CACNA2D3: variants seen among roughly 807,000 people sequenced by gnomAD.
CACNA2D3 encodes the protein calcium voltage-gated channel auxiliary subunit alpha2delta 3, also known as voltage-dependent calcium channel subunit alpha-2/delta-3.
CACNA2D3 carries 60 observed loss-of-function variants against 160.6 expected under a neutral mutation model. The observed-to-expected ratio is 0.37, with a 90% CI of 0.30 to 0.46. The LOEUF (loss-of-function observed/expected upper bound fraction) is 0.46, where lower values mean the gene tolerates loss of function less well. Among genes scored for constraint, CACNA2D3 ranks in the 20% least tolerant of loss-of-function variants. CACNA2D3 has a pLI of 1.00. For missense variants in CACNA2D3, 1,205 were observed against 1,365.0 expected, an observed-to-expected ratio of 0.88 and a Z score of 1.85; for synonymous variants, 558 against 492.9, an observed-to-expected ratio of 1.13 and a Z score of -1.75.
chr3:54,412,231 A>G (rs1218150454), intron 4 of CACNA2D3, among the ~76,000 whole-genome samples: 6 of 151,986 alleles, frequency 3.9e-5, no homozygotes, highest in Admixed American at 3.9e-4. Flanking sequence ...TGGTGCTTTC[A>G]CTGCATTCTC....
At chr3:54,232,415 T>C (rs1295359282) in intron 2 of CACNA2D3, among the ~76,000 whole-genome samples, 2 of 152,194 alleles carry the variant, frequency 1.3e-5, no homozygotes, top group Non-Finnish European at 2.9e-5. Flanking sequence ...TCAATACCAC[T>C]TATTGTAGGA....
chr3:54,467,242 A>G (rs950272001), intron 4 of CACNA2D3, among the ~76,000 whole-genome samples: 4 of 152,202 alleles, frequency 2.6e-5, no homozygotes, highest in African/African-American at 9.7e-5. Context: ...GGTAAGAGGC[A>G]CCAACTCTGT....
intron 3 of CACNA2D3, among the ~76,000 whole-genome samples, chr3:54,367,083 C>T (rs993761227): frequency 1.6e-4 from 24 of 152,168 alleles, no homozygotes; most frequent in Admixed American, 1.4e-3. Flanking sequence ...ATCTATCCAT[C>T]GTTGCCCTCT....
intron 2 of CACNA2D3, among the ~76,000 whole-genome samples, chr3:54,223,213 G>A (rs1032436581): frequency 1.3e-5 from 2 of 152,194 alleles, no homozygotes; most frequent in Non-Finnish European, 1.5e-5. Context: ...TTTTGTCATT[G>A]TGCAAACATT....
chr3:54,612,456 CAGGG>C (rs1698764466), intron 9 of CACNA2D3, among the ~76,000 whole-genome samples: 2 of 152,138 alleles, frequency 1.3e-5, no homozygotes, highest in African/African-American at 4.8e-5. Context: ...GAAGTAAAGT[CAGGG>C]AGGCCCGTGG....
chr3:54,230,765 T>C (rs1367573703), intron 2 of CACNA2D3, among the ~76,000 whole-genome samples: 1 of 152,244 alleles, frequency 6.6e-6, no homozygotes, highest in African/African-American at 2.4e-5. Flanking sequence ...ATTTCAACAA[T>C]ATTTTATATA....
At chr3:54,985,936 C>G (rs1702604247) in intron 30 of CACNA2D3, among the ~76,000 whole-genome samples, 1 of 152,188 alleles carries the variant, frequency 6.6e-6, no homozygotes, top group South Asian at 2.1e-4. Flanking sequence ...AGACATGGGA[C>G]AGTCCGTGGA....
At chr3:54,838,827 T>C (rs1698752725) in intron 16 of CACNA2D3, among the ~76,000 whole-genome samples, 179 bp downstream of exon 16, 1 of 152,242 alleles carries the variant, frequency 6.6e-6, no homozygotes, top group Admixed American at 6.5e-5. Context: ...TTTTATTATT[T>C]ACAATGACTT....
chr3:54,888,720 T>C (rs1343574818), intron 24 of CACNA2D3, among the ~76,000 whole-genome samples: 1 of 147,028 alleles, frequency 6.8e-6, no homozygotes, highest in African/African-American at 2.7e-5. Context: ...TTCCCTTCTA[T>C]CCTGTTTCTC....
intron 17 of CACNA2D3, among the ~76,000 whole-genome samples, chr3:54,864,400 A>G (rs886829838): frequency 3.3e-5 from 5 of 152,016 alleles, no homozygotes; most frequent in African/African-American, 1.2e-4. Flanking sequence ...CAACCTCCAG[A>G]GTAGCTAGGA....
At chr3:54,589,373 AAAC>A in intron 9 of CACNA2D3, among the ~76,000 whole-genome samples, 1 of 152,236 alleles carries the variant, frequency 6.6e-6, no homozygotes, top group South Asian at 2.1e-4. Flanking sequence ...CTCACAACTG[AAAC>A]AACATTTAAC....
intron 27 of CACNA2D3, among the ~76,000 whole-genome samples, chr3:54,956,228 G>A (rs1701889213): frequency 6.6e-6 from 1 of 152,206 alleles, no homozygotes; most frequent in Non-Finnish European, 1.5e-5. Context: ...CCAGTGGCTT[G>A]CCTTGCCAGG....
At chr3:54,985,088 A>G (rs1394700514) in intron 30 of CACNA2D3, among the ~76,000 whole-genome samples, 2 of 152,244 alleles carry the variant, frequency 1.3e-5, no homozygotes, top group Non-Finnish European at 1.5e-5. Context: ...ATGTTTCTAC[A>G]TAATTATTGT....
At chr3:54,801,842 A>G (rs537689748) in intron 13 of CACNA2D3, among the ~76,000 whole-genome samples, 1 of 152,172 alleles carries the variant, frequency 6.6e-6, no homozygotes, top group Non-Finnish European at 1.5e-5. Flanking sequence ...CCCAAACTAG[A>G]GATTGAGAAA....
intron 2 of CACNA2D3, among the ~76,000 whole-genome samples, chr3:54,149,932 C>CTCTCTCCCTCCCTCT (rs1559863353): frequency 8.4e-5 from 2 of 23,812 alleles, no homozygotes; most frequent in Admixed American, 3.7e-4. Flanking sequence ...TCTCTCTCTC[C>CTCTCTCCCTCCCTCT]CTCCCTCCCT....
At chr3:54,678,749 A>AAAAAT (rs1700289334) in intron 11 of CACNA2D3, among the ~76,000 whole-genome samples, 1 of 143,614 alleles carries the variant, frequency 7.0e-6, no homozygotes, top group Non-Finnish European at 1.5e-5. Flanking sequence ...AAAAAAAAAA[A>AAAAAT]GTTGATGATC....
At chr3:54,412,868 C>T (rs1160989818) in intron 4 of CACNA2D3, among the ~76,000 whole-genome samples, 1 of 151,542 alleles carries the variant, frequency 6.6e-6, no homozygotes, top group Non-Finnish European at 1.5e-5. Flanking sequence ...TGTTATAAAT[C>T]TCATAATGTA....
intron 2 of CACNA2D3, among the ~76,000 whole-genome samples, chr3:54,319,456 A>T (rs753810776): frequency 6.6e-6 from 1 of 152,186 alleles, no homozygotes; most frequent in Non-Finnish European, 1.5e-5. Context: ...CCCACAAATA[A>T]GAGTAAATAT....
chr3:54,679,017 G>T (rs765702265), intron 11 of CACNA2D3, among the ~76,000 whole-genome samples: 2 of 152,080 alleles, frequency 1.3e-5, no homozygotes, highest in Non-Finnish European at 2.9e-5. Flanking sequence ...CCTAACATTT[G>T]GTCAGCCAAG....
Sources: gnomAD v4.1 joint callset for allele counts (sites outside exome capture counted in the v4.1 genomes callset) on GRCh38, gnomAD v4.1.1 for gene constraint, MANE v1.5 for transcripts, NCBI Gene and HGNC (gene_info 2026-07-23, HGNC 2026-07-21) for gene names.